BTBD9: variants seen among roughly 807,000 people sequenced by gnomAD.
BTBD9 encodes the protein BTB/POZ domain-containing protein 9.
A neutral mutation model predicts 64.3 loss-of-function variants in BTBD9; 49 were observed. That is an observed-to-expected ratio of 0.76 (90% CI 0.61 to 0.97). The LOEUF (loss-of-function observed/expected upper bound fraction) is 0.97, where lower values mean the gene tolerates loss of function less well. Ranked by LOEUF, BTBD9 falls within the 50% of genes least tolerant of loss-of-function variation. The pLI, the probability that BTBD9 is intolerant of heterozygous loss-of-function variation, is 0.00. For missense variants in BTBD9, 598 were observed against 762.1 expected (o/e 0.78, Z 2.53); for synonymous variants, 260 against 274.7 (o/e 0.95, Z 0.53).
intron 6 of BTBD9, among the ~76,000 whole-genome samples, chr6:38,503,228 C>A (rs545573072): frequency 6.6e-6 from 1 of 152,136 alleles, no homozygotes; most frequent in Non-Finnish European, 1.5e-5. Context: ...GCCCTACTCT[C>A]AGCAGCTGTT....
chr6:38,217,033 G>A (rs955078550), intron 9 of BTBD9, among the ~76,000 whole-genome samples: 1 of 151,906 alleles, frequency 6.6e-6, no homozygotes, highest in African/African-American at 2.4e-5. Context: ...TCTGGGCCAG[G>A]CGCAGTAGCT....
intron 6 of BTBD9, among the ~76,000 whole-genome samples, chr6:38,446,697 T>G (rs1769293793): frequency 6.6e-6 from 1 of 152,226 alleles, no homozygotes; most frequent in African/African-American, 2.4e-5. Context: ...GCAATAATTA[T>G]GAGGCAGGGT....
At chr6:38,203,389 C>A (rs140983013) in intron 9 of BTBD9, among the ~76,000 whole-genome samples, 268 of 152,206 alleles carry the variant, frequency 1.8e-3, no homozygotes, top group Middle Eastern at 6.8e-3. Context: ...CCAGCAATTT[C>A]ACTTCTGGCT....
intron 7 of BTBD9, among the ~76,000 whole-genome samples, chr6:38,328,987 T>C (rs930137981): frequency 0.011 from 1,576 of 149,412 alleles, 34 homozygotes; most frequent in African/African-American, 0.036. Flanking sequence ...TGTGTGTGTG[T>C]GTGTGTGTGT....
chr6:38,536,736 G>A (rs1774036324), intron 6 of BTBD9, among the ~76,000 whole-genome samples: 1 of 152,156 alleles, frequency 6.6e-6, no homozygotes, highest in Admixed American at 6.5e-5. Context: ...CTTCATGTGT[G>A]CTCTCATATT....
At chr6:38,258,756 G>A (rs992547361) in intron 8 of BTBD9, among the ~76,000 whole-genome samples, 2 of 152,174 alleles carry the variant, frequency 1.3e-5, no homozygotes, top group African/African-American at 2.4e-5. Flanking sequence ...CAGGCGTGGT[G>A]GTGGGCACCT....
chr6:38,441,708 C>T (rs549162793), intron 6 of BTBD9, among the ~76,000 whole-genome samples: 1 of 152,318 alleles, frequency 6.6e-6, no homozygotes, highest in Admixed American at 6.5e-5. Flanking sequence ...TGAGCCACCA[C>T]ACCCAGCCTC....
chr6:38,523,044 G>A (rs761394694), intron 6 of BTBD9, among the ~76,000 whole-genome samples: 1 of 152,040 alleles, frequency 6.6e-6, no homozygotes, highest in Non-Finnish European at 1.5e-5. Flanking sequence ...TTAGCCAGGC[G>A]TGGTGGCACG....
intron 6 of BTBD9, among the ~76,000 whole-genome samples, chr6:38,465,508 G>A (rs1205469868): frequency 1.4e-5 from 2 of 145,200 alleles, no homozygotes; most frequent in East Asian, 2.0e-4. Context: ...GTGGGCGCCT[G>A]TAGTCCCAGC....
At chr6:38,320,773 A>G (rs1763202237) in intron 7 of BTBD9, among the ~76,000 whole-genome samples, 1 of 152,210 alleles carries the variant, frequency 6.6e-6, no homozygotes. Flanking sequence ...TTCCCCAGAC[A>G]CAGAAAGCCA....
At chr6:38,378,461 C>G (rs1239392519) in intron 6 of BTBD9, among the ~76,000 whole-genome samples, 1 of 148,662 alleles carries the variant, frequency 6.7e-6, no homozygotes, top group Non-Finnish European at 1.5e-5. Flanking sequence ...CCAGGCTGGT[C>G]CTGACCTCAG....
intron 6 of BTBD9, among the ~76,000 whole-genome samples, chr6:38,374,118 A>C (rs962283839): frequency 5.3e-5 from 8 of 150,140 alleles, no homozygotes; most frequent in Admixed American, 5.3e-4. Context: ...AAAAATACAA[A>C]ATTAGCCAGG....
chr6:38,190,129 TTC>T lies in BTBD9; in HGVS notation c.1641+2388_1641+2389del, dbSNP rs1252689067. Among the ~76,000 whole-genome samples the T allele has an allele frequency of 4.6e-5, 7 of 152,222 alleles. No homozygotes were observed. The East Asian group carries it at 1.4e-3, about 29-fold the overall frequency. ...ACCTGGCTTATTGTGCCTTTTTTTGTTCTCTGAGAATGAGATCCTGTTCATTA... is the reference window on the plus strand; with the variant it reads ...ACCTGGCTTATTGTGCCTTTTTTTGTTCTGAGAATGAGATCCTGTTCATTA... On this transcript the variant is annotated intron_variant, in intron 10 of 10. Coordinates refer to ENST00000481247, the MANE Select transcript of BTBD9 (RefSeq NM_001099272.2).
At chr6:38,241,678 C>T (rs1346246496) in intron 9 of BTBD9, among the ~76,000 whole-genome samples, 1 of 152,160 alleles carries the variant, frequency 6.6e-6, no homozygotes, top group East Asian at 1.9e-4. Context: ...ATACTCAGTA[C>T]ATAATTTATA....
chr6:38,356,744 G>C (rs1424098514), intron 6 of BTBD9, among the ~76,000 whole-genome samples: 1 of 152,136 alleles, frequency 6.6e-6, no homozygotes, highest in Non-Finnish European at 1.5e-5. Context: ...CTTCATGTTA[G>C]GATTACCTAA....
chr6:38,508,669 C>T (rs142264390), intron 6 of BTBD9, among the ~76,000 whole-genome samples: 87 of 152,308 alleles, frequency 5.7e-4, no homozygotes, highest in African/African-American at 2.0e-3. Flanking sequence ...GCCCAGCAGA[C>T]AAAGCCCTGA....
chr6:38,302,360 T>G (rs1017992479), intron 7 of BTBD9, among the ~76,000 whole-genome samples: 3 of 151,874 alleles, frequency 2.0e-5, no homozygotes, highest in Non-Finnish European at 4.4e-5. Context: ...GAATGAATCA[T>G]GCAGTGTTTG....
chr6:38,319,152 T>C (rs540525097), intron 7 of BTBD9, among the ~76,000 whole-genome samples: 12 of 152,066 alleles, frequency 7.9e-5, no homozygotes, highest in African/African-American at 2.4e-4. Context: ...TCACCCTTAA[T>C]GGCAGTAGGT....
chr6:38,559,377 G>A (rs1231855146), intron 6 of BTBD9, among the ~76,000 whole-genome samples: 3 of 151,982 alleles, frequency 2.0e-5, no homozygotes, highest in Non-Finnish European at 4.4e-5. Context: ...ATAAGGAGGT[G>A]AAAGATCTCT....
Sources: gnomAD v4.1 joint callset for allele counts (sites outside exome capture counted in the v4.1 genomes callset) on GRCh38, gnomAD v4.1.1 for gene constraint, MANE v1.5 for transcripts, NCBI Gene and HGNC (gene_info 2026-07-23, HGNC 2026-07-21) for gene names.